CA12: variants seen among roughly 807,000 people sequenced by gnomAD.
The protein encoded by CA12 is carbonic anhydrase 12.
CA12 carries 36 observed loss-of-function variants against 46.8 expected under a neutral mutation model. The observed-to-expected ratio is 0.77, with a 90% CI of 0.59 to 1.02. The LOEUF (loss-of-function observed/expected upper bound fraction) is 1.02, where lower values mean the gene tolerates loss of function less well. Ranked by LOEUF, CA12 falls within the 50% of genes least tolerant of loss-of-function variation. The pLI, the probability that CA12 is intolerant of heterozygous loss-of-function variation, is 0.00. For missense variants in CA12, 436 were observed against 451.4 expected, an observed-to-expected ratio of 0.97 and a Z score of 0.31; for synonymous variants, 202 against 187.0, an observed-to-expected ratio of 1.08 and a Z score of -0.65.
In CA12 at chr15:63,341,993, A is replaced by G. The variant is rs376673728; in HGVS notation, c.525+9T>C. ...AATTTCACCTAAGAACCTTTTAAAT[A>G]TCTCTTACCTCAATGAGAACAGCCA... On this transcript the variant is annotated intron_variant, in intron 5 of 10. Coordinates refer to ENST00000178638, the MANE Select transcript of CA12 (RefSeq NM_001218.5). The surrounding 1 kb of genome is among the most constrained non-coding windows in gnomAD (Gnocchi z 5.2). 6.3e-7 allele frequency: 1 copy of G among 1,598,232 alleles called. No homozygotes were observed. Among genetic ancestry groups the G allele is most frequent in the African/African-American group, 1.3e-5 (1 of 74,538 alleles).
chr15:63,338,881 A>T lies in CA12; in HGVS notation c.812T>A (p.Ile271Asn). 6.2e-7 allele frequency: 1 copy of T among 1,614,114 alleles called. No homozygotes were observed. The highest frequency in any genetic ancestry group is 8.5e-7 in the Non-Finnish European group (1 of 1,180,016). ...HMDDPSPREM[I>N]NNFRQVQKFD... ...CTTCTGGACCTGCCGGAAGTTGTTG[A>T]TCATTTCTCTGGGGGAAGGGTCGTC... The change falls in exon 8 of 11, where the codon ATC (isoleucine) becomes AAC (asparagine). Residue 271 changes from isoleucine (I) to asparagine (N), a missense_variant. Transcript: ENST00000178638.
At position 63,375,657 on chromosome 15, in the gene CA12, C is replaced by T; in HGVS notation, c.106+1G>A. 1.3e-6 allele frequency: 2 copies of T among 1,557,494 alleles called. No homozygotes were observed. The highest frequency in any genetic ancestry group is 1.8e-6 in the Non-Finnish European group (2 of 1,131,248). ...AAAAAGTATTTAAAATCTCTACTTA[C>T]CAAAATAAGTCCACTTGGAACCTAC... On this transcript the variant is annotated splice_donor_variant, in intron 2 of 10. Transcript: ENST00000178638. LOFTEE classifies it high-confidence loss of function.
At chr15:63,356,837 G>A (rs375037068) in intron 2 of CA12, among the ~76,000 whole-genome samples, 25 of 152,162 alleles carry the variant, frequency 1.6e-4, no homozygotes, top group African/African-American at 4.8e-4. Context: ...CCTAGATATA[G>A]ATCCCAAAGT....
intron 1 of CA12, among the ~76,000 whole-genome samples, chr15:63,375,892 C>A (rs1415939104): frequency 1.3e-5 from 2 of 151,684 alleles, no homozygotes; most frequent in Admixed American, 1.3e-4. Flanking sequence ...TCACTGCAAC[C>A]TCTGCCTCCT....
rs1192157642 is a variant in CA12 at position 63,323,791 on chromosome 15, CAG to C, written c.*2492_*2493del. On this transcript the variant is annotated 3_prime_UTR_variant, in exon 11 of 11. Transcript: ENST00000178638. The surrounding 1 kb of genome is among the most constrained non-coding windows in gnomAD (Gnocchi z 5.1). ...GAGTCAATGCAGCACATGCTAGAAA[CAG>C]ATACAGAGTTTTTTGTTGTTTTTTA... 6.6e-6 allele frequency: 1 copy of C among 152,360 alleles called. No homozygotes were observed. Among genetic ancestry groups the C allele is most frequent in the African/African-American group, 2.4e-5 (1 of 41,432 alleles). The allele number at this position is 152,360 out of a possible 1,614,324, so 9.4% of individuals were successfully genotyped here.
chr15:63,366,468 G>T (rs1373268344), intron 2 of CA12, among the ~76,000 whole-genome samples: 1 of 152,130 alleles, frequency 6.6e-6, no homozygotes, highest in Non-Finnish European at 1.5e-5. Flanking sequence ...GTACTGTAAG[G>T]CCCCGCTTAA....
At chr15:63,380,252 TAAG>T (rs1033128838) in intron 1 of CA12, among the ~76,000 whole-genome samples, 1 of 149,606 alleles carries the variant, frequency 6.7e-6, no homozygotes, top group African/African-American at 2.5e-5. Context: ...GGAGAGGAGA[TAAG>T]GAGGAGGGAA....
chr15:63,361,278 T>C (rs1431137483), intron 2 of CA12, among the ~76,000 whole-genome samples: 1 of 152,264 alleles, frequency 6.6e-6, no homozygotes, highest in East Asian at 1.9e-4. Context: ...TGGAGGCATC[T>C]TTAGCAGTTT....
At chr15:63,337,479 C>T (rs538944647) in intron 8 of CA12, among the ~76,000 whole-genome samples, 3 of 152,204 alleles carry the variant, frequency 2.0e-5, no homozygotes, top group Non-Finnish European at 2.9e-5. Context: ...TTTTTTGAGA[C>T]GGAGTCTCGC....
chr15:63,340,553 G>GATGATGAACTAGAAACA lies in CA12; in HGVS notation c.590-109_590-108insTGTTTCTAGTTCATCAT. 3.4e-6 allele frequency: 5 copies of GATGATGAACTAGAAACA among 1,489,260 alleles called. No homozygotes were observed. The highest frequency in any genetic ancestry group is 1.4e-5 in the African/African-American group (1 of 72,544). The allele number at this position is 1,489,260 out of a possible 1,614,324, so 92.3% of individuals were successfully genotyped here. ...GAAACATGAACTAGCCCCTTTCAGG[G>GATGATGAACTAGAAACA]TCATCTAACCCCAGGACCTGGTTGC... On this transcript the variant is annotated intron_variant, in intron 6 of 10. Coordinates refer to ENST00000178638, the MANE Select transcript of CA12 (RefSeq NM_001218.5). The surrounding 1 kb of genome is among the most constrained non-coding windows in gnomAD (Gnocchi z 4.4).
chr15:63,379,434 GT>G (rs2039616963), intron 1 of CA12, among the ~76,000 whole-genome samples: 1 of 152,186 alleles, frequency 6.6e-6, no homozygotes, highest in African/African-American at 2.4e-5. Context: ...GCACCCCCTG[GT>G]TCCCCACTTC....
At chr15:63,367,285 A>G (rs545875061) in intron 2 of CA12, among the ~76,000 whole-genome samples, 8 of 152,302 alleles carry the variant, frequency 5.3e-5, no homozygotes, top group African/African-American at 1.9e-4. Context: ...GGAGACATCA[A>G]TTTTCCTCTG....
At chr15:63,360,658 T>C (rs904894831) in intron 2 of CA12, among the ~76,000 whole-genome samples, 2 of 152,192 alleles carry the variant, frequency 1.3e-5, no homozygotes, top group East Asian at 1.9e-4. Flanking sequence ...TCACCACCCA[T>C]GCACATAAAT....
At chr15:63,337,028 T>C (rs902885426) in intron 8 of CA12, among the ~76,000 whole-genome samples, 15 of 152,252 alleles carry the variant, frequency 9.9e-5, no homozygotes, top group Non-Finnish European at 1.3e-4. Flanking sequence ...AAAGACAGCG[T>C]TGTATCCATA....
In CA12 at chr15:63,355,475, C is replaced by T. The variant is rs1459551193; in HGVS notation, c.107-8766G>A. 6.6e-6 allele frequency among the ~76,000 whole-genome samples: 1 copy of T among 152,192 alleles called. No homozygotes were observed. The highest frequency in any genetic ancestry group is 1.5e-5 in the Non-Finnish European group (1 of 68,042). ...GGGCCCCACCCCAGGCCTACCGAAC[C>T]GGACACTCTGGGGGTGGCGCCCAGC... On this transcript the variant is annotated intron_variant, in intron 2 of 10. Transcript: ENST00000178638. The surrounding 1 kb of genome is among the most constrained non-coding windows in gnomAD (Gnocchi z 4.1).
chr15:63,370,949 G>T (rs79882092), intron 2 of CA12, among the ~76,000 whole-genome samples: 6,237 of 152,168 alleles, frequency 0.041, 405 homozygotes, highest in African/African-American at 0.14. Flanking sequence ...AGAGCCCTCG[G>T]TCTATTAATT....
In CA12 at chr15:63,324,541, C is replaced by G. The variant is rs536281799; in HGVS notation, c.*1744G>C. On this transcript the variant is annotated 3_prime_UTR_variant, in exon 11 of 11. Coordinates refer to ENST00000178638, the MANE Select transcript of CA12 (RefSeq NM_001218.5). ...CCCAGGCTTCGAGGCTGTTAGAGGT[C>G]TTGAGTGCACACACACACACAAACA... is the stretch of plus-strand genomic sequence containing the variant. 3.3e-5 allele frequency: 5 copies of G among 152,410 alleles called. No homozygotes were observed. Among genetic ancestry groups the G allele is most frequent in the African/African-American group, 1.2e-4 (5 of 41,558 alleles). 9.4% of individuals were successfully genotyped at this position (152,410 alleles called of 1,614,324 possible). A position where few individuals can be genotyped will look rare whatever the true frequency, so the allele number is the denominator to read the frequency against.
At chr15:63,334,930 C>A (rs767707597) in intron 8 of CA12, among the ~76,000 whole-genome samples, 1 of 152,190 alleles carries the variant, frequency 6.6e-6, no homozygotes, top group Non-Finnish European at 1.5e-5. Context: ...TCAGGGATAA[C>A]CATCATCACA....
Position 63,340,761 on chromosome 15 carries a change from T to C in CA12, c.548A>G (p.Tyr183Cys). 6.2e-7 allele frequency: 1 copy of C among 1,614,206 alleles called. No individual in the cohort carries two copies. The highest frequency in any genetic ancestry group is 8.5e-7 in the Non-Finnish European group (1 of 1,180,032). ...TTGAAGGTGACTGAAGATCTTGTCA[T>C]AGGACGGATTGAAGGAGCCCATCTG... is the stretch of plus-strand genomic sequence containing the variant. ...LIEMGSFNPS[Y>C]DKIFSHLQHV... Residue 183 changes from tyrosine to cysteine, a missense_variant, in exon 6 of 11, where the codon TAT becomes TGT. By Grantham distance (194) the Tyr-to-Cys change is radical. Transcript: ENST00000178638. This position sits in a 1 kb window ranked among gnomAD's most constrained non-coding sequence, Gnocchi z 4.4.
Sources: gnomAD v4.1 joint callset for allele counts (sites outside exome capture counted in the v4.1 genomes callset) on GRCh38, gnomAD v4.1.1 for gene constraint, Gnocchi (gnomAD v3.1) non-coding constraint, MANE v1.5 for transcripts, NCBI Gene and HGNC (gene_info 2026-07-23, HGNC 2026-07-21) for gene names.